Variants in ATP10A observed in about 807,000 individuals in gnomAD.
The protein encoded by ATP10A is ATPase phospholipid transporting 10A (putative).
Under a neutral mutation model 147.8 loss-of-function variants are expected in ATP10A, and 111 were observed. The observed-to-expected ratio is 0.75, with a 90% CI of 0.64 to 0.88. ATP10A has a LOEUF of 0.88. ATP10A is among the 40% of genes least tolerant of loss of function. The pLI, the probability that ATP10A is intolerant of heterozygous loss-of-function variation, is 0.00. For synonymous variants in ATP10A, 875 were observed against 841.6 expected (o/e 1.04, Z -0.69); for missense variants, 1,927 against 1,959.0 (o/e 0.98, Z 0.31).
At chr15:25,716,133 C>T (rs774802208) in intron 9 of ATP10A, among the ~76,000 whole-genome samples, 1 of 152,242 alleles carries the variant, frequency 6.6e-6, no homozygotes, top group South Asian at 2.1e-4. Context: ...GAACAATCTT[C>T]GATGCCCCAT....
At chr15:25,721,992 T>C in intron 6 of ATP10A, 83 bp from the exon 7 acceptor site, 5 of 1,436,728 alleles carry the variant, frequency 3.5e-6, no homozygotes, top group Non-Finnish European at 4.8e-6. Flanking sequence ...AAATAACAAA[T>C]GACTACAACC....
At chr15:25,827,672 A>T (rs1892173555) in intron 1 of ATP10A, among the ~76,000 whole-genome samples, 1 of 152,252 alleles carries the variant, frequency 6.6e-6, no homozygotes, top group Non-Finnish European at 1.5e-5. Context: ...ACAAGGAGAT[A>T]AAAATGGCAC....
At chr15:25,705,450 A>C (rs1380726429) in intron 12 of ATP10A, among the ~76,000 whole-genome samples, 29 of 11,942 alleles carry the variant, frequency 2.4e-3, no homozygotes, top group Non-Finnish European at 4.3e-3. Context: ...CAAAAAAAAA[A>C]AAACAAAAAA....
intron 1 of ATP10A, among the ~76,000 whole-genome samples, chr15:25,824,558 TG>T (rs1359715063): frequency 0.083 from 555 of 6,722 alleles, 2 homozygotes; most frequent in African/African-American, 0.1. Context: ...TTTTTGTGTG[TG>T]TTTTTTTTTT....
chr15:25,713,915 G>T lies in ATP10A; in HGVS notation c.2103C>A (p.Ala701=), dbSNP rs552984622. ...LRYEAESPDE[A]ALVYAARAYN... Reference sequence around the variant, plus strand: ...AGGCTCTGGCCGCATACACCAGTGCGGCCTCATCCGGGCTCTCCGCCTCGT... The same window carrying T: ...AGGCTCTGGCCGCATACACCAGTGCTGCCTCATCCGGGCTCTCCGCCTCGT... The change falls in exon 10 of 21, where the codon GCC becomes GCA. Residue 701 remains alanine, a synonymous_variant. Transcript: ENST00000555815. 6.2e-7 allele frequency: 1 copy of T among 1,612,868 alleles called. No homozygotes were observed. Among genetic ancestry groups the T allele is most frequent in the Non-Finnish European group, 8.5e-7 (1 of 1,180,030 alleles).
intron 14 of ATP10A, 106 bp downstream of exon 14, chr15:25,694,713 A>C: frequency 9.5e-7 from 1 of 1,048,784 alleles, no homozygotes; most frequent in Non-Finnish European, 1.3e-6. Context: ...TTACACACAG[A>C]AAGAAAGGTG....
intron 13 of ATP10A, among the ~76,000 whole-genome samples, chr15:25,696,061 G>A (rs982375202): frequency 1.3e-5 from 2 of 152,124 alleles, no homozygotes; most frequent in Non-Finnish European, 2.9e-5. Flanking sequence ...GCACAGGAGG[G>A]ACCACCGTCT....
chr15:25,798,204 C>G (rs1379276743), intron 1 of ATP10A, among the ~76,000 whole-genome samples: 1 of 152,036 alleles, frequency 6.6e-6, no homozygotes, highest in African/African-American at 2.4e-5. Flanking sequence ...TGAGATGGAC[C>G]CCAAAGCAAC....
At chr15:25,844,474 A>G (rs572486445) in intron 1 of ATP10A, among the ~76,000 whole-genome samples, 11 of 152,278 alleles carry the variant, frequency 7.2e-5, no homozygotes, top group Non-Finnish European at 1.6e-4. Context: ...ATTTTAAAAT[A>G]AAGGGATATT....
At chr15:25,727,029 C>T in intron 4 of ATP10A, 131 bp downstream of exon 4, 1 of 638,422 alleles carries the variant, frequency 1.6e-6, no homozygotes. Flanking sequence ...TGCACTCCAG[C>T]CTGGGCGACA....
downstream of ATP10A, among the ~76,000 whole-genome samples, chr15:25,675,656 A>G (rs1202913197): frequency 6.6e-6 from 1 of 152,192 alleles, no homozygotes; most frequent in Non-Finnish European, 1.5e-5. Flanking sequence ...TCATTAAAGA[A>G]AAACAAGGTC....
At chr15:25,787,995 G>A (rs568065968) in intron 1 of ATP10A, among the ~76,000 whole-genome samples, 55 of 152,258 alleles carry the variant, frequency 3.6e-4, no homozygotes, top group African/African-American at 8.9e-4. Context: ...GAGAGTTCCC[G>A]CTAGGGCAGG....
Position 25,695,037 on chromosome 15 carries a change from A to C in ATP10A, c.2870T>G (p.Leu957Arg), listed in dbSNP as rs891530176. 3 of 1,614,064 alleles carry C rather than the reference A, an allele frequency of 1.9e-6. No homozygotes were observed. The African/African-American group carries it at 4.0e-5, about 22-fold the overall frequency. Reference sequence around the variant, plus strand: ...GGCAGTGGACGTGGAGGGTGGGCAGAGAGAGGAGAACCTCATGCTCACTTT... The same window carrying C: ...GGCAGTGGACGTGGAGGGTGGGCAGCGAGAGGAGAACCTCATGCTCACTTT... ...KGKVSMRFSS[L>R]CPPSTSTASG... Residue 957 changes from leucine to arginine, a missense_variant, in exon 14 of 21, where the codon CTC becomes CGC. Physicochemically the swap from Leu to Arg is moderately radical, Grantham distance 102. Coordinates refer to ENST00000555815, the MANE Select transcript of ATP10A (RefSeq NM_024490.4).
intron 1 of ATP10A, among the ~76,000 whole-genome samples, chr15:25,784,130 T>G: frequency 6.6e-6 from 1 of 152,240 alleles, no homozygotes; most frequent in Admixed American, 6.5e-5. Flanking sequence ...CATGAGCGTC[T>G]GCTGGGCTCC....
In ATP10A at chr15:25,718,414, C is replaced by T. The variant is rs1200534216; in HGVS notation, c.1364-15G>A. ...CAGACGCTGCGCTGCGGGGAGAGGG[C>T]GCAGGGTGAGGCATCATGGGGGAAG... On this transcript the variant is annotated splice_polypyrimidine_tract_variant and intron_variant, in intron 7 of 20. Coordinates refer to ENST00000555815, the MANE Select transcript of ATP10A (RefSeq NM_024490.4). 22 of 1,575,152 alleles carry T rather than the reference C, an allele frequency of 1.4e-5. No homozygotes were observed. Among genetic ancestry groups the T allele is most frequent in the South Asian group, 2.3e-5 (2 of 87,102 alleles).
intron 1 of ATP10A, among the ~76,000 whole-genome samples, chr15:25,805,629 G>A (rs1434700868): frequency 6.6e-6 from 1 of 152,170 alleles, no homozygotes; most frequent in African/African-American, 2.4e-5. Context: ...CCCTCAGATT[G>A]GAGGGGTGTG....
intron 16 of ATP10A, among the ~76,000 whole-genome samples, chr15:25,685,947 G>A (rs1488140846): frequency 1.3e-5 from 2 of 152,124 alleles, no homozygotes; most frequent in Admixed American, 6.5e-5. Context: ...CCACTCCTTC[G>A]GGAGCTGAGA....
chr15:25,804,501 G>C (rs1390452103), intron 1 of ATP10A, among the ~76,000 whole-genome samples: 4 of 151,582 alleles, frequency 2.6e-5, no homozygotes. Context: ...GTCTGTGTGT[G>C]TGTGACGTGT....
intron 1 of ATP10A, among the ~76,000 whole-genome samples, chr15:25,831,150 CCA>C (rs1892338955): frequency 6.6e-6 from 1 of 152,278 alleles, no homozygotes; most frequent in Admixed American, 6.5e-5. Flanking sequence ...CCAGCACCCT[CCA>C]CAGTGTCTGG....
Sources: gnomAD v4.1 joint callset for allele counts (sites outside exome capture counted in the v4.1 genomes callset) on GRCh38, gnomAD v4.1.1 for gene constraint, MANE v1.5 for transcripts, NCBI Gene and HGNC (gene_info 2026-07-23, HGNC 2026-07-21) for gene names.